BLNK: variants seen among roughly 807,000 people sequenced by gnomAD.
BLNK encodes the protein B-cell linker protein.
In BLNK, 29 loss-of-function variants were observed where a neutral mutation model predicts 73.5. That is an observed-to-expected ratio of 0.39 (90% CI 0.29 to 0.54). The LOEUF is 0.54. Ranked by LOEUF, BLNK falls within the 20% of genes least tolerant of loss-of-function variation. The pLI is 0.61. For missense variants in BLNK, 460 were observed against 562.8 expected (o/e 0.82, Z 1.85); for synonymous variants, 176 against 200.8 (o/e 0.88, Z 1.04).
At chr10:96,196,016 G>A (rs182909833) in intron 16 of BLNK, among the ~76,000 whole-genome samples, 1 of 152,322 alleles carries the variant, frequency 6.6e-6, no homozygotes, top group East Asian at 1.9e-4. Context: ...ATGTAGTGGG[G>A]AAGACAGACA....
At chr10:96,264,663 T>G (rs10882766) in intron 1 of BLNK, among the ~76,000 whole-genome samples, 2,017 of 152,224 alleles carry the variant, frequency 0.013, 55 homozygotes, top group African/African-American at 0.045. Context: ...ATTGAACCCT[T>G]AAAGCCTACC....
intron 1 of BLNK, among the ~76,000 whole-genome samples, chr10:96,250,252 ACT>A (rs1187484038): frequency 6.6e-6 from 1 of 152,060 alleles, no homozygotes; most frequent in Admixed American, 6.6e-5. Context: ...TTGCCTCAGA[ACT>A]CTACAGTTTT....
chr10:96,254,062 A>G (rs781839229), intron 1 of BLNK, among the ~76,000 whole-genome samples: 17 of 151,778 alleles, frequency 1.1e-4, no homozygotes, highest in Non-Finnish European at 1.2e-4. Context: ...AAAAGGAAAA[A>G]AAAAAGGATT....
chr10:96,259,806 A>C (rs1554912281), intron 1 of BLNK, among the ~76,000 whole-genome samples: 1 of 150,604 alleles, frequency 6.6e-6, no homozygotes, highest in East Asian at 2.0e-4. Flanking sequence ...GACTTGGCAC[A>C]AGCAGGAGTA....
At position 96,246,976 on chromosome 10, in the gene BLNK, G is replaced by C; in HGVS notation, c.113+8C>G. The C allele has an allele frequency of 6.3e-7, 1 of 1,581,496 alleles. No individual in the cohort carries two copies. Among genetic ancestry groups the C allele is most frequent in the Non-Finnish European group, 8.7e-7 (1 of 1,153,486 alleles). ...TATAATTAAGTATTTAAATAGAGGC[G>C]AACTTACTTTTTGATTTTATTCATT... On this transcript the variant is annotated splice_region_variant and intron_variant, in intron 2 of 16. Transcript: ENST00000224337.
At chr10:96,234,091 G>A (rs1233224739) in intron 3 of BLNK, among the ~76,000 whole-genome samples, 1 of 152,232 alleles carries the variant, frequency 6.6e-6, no homozygotes, top group Non-Finnish European at 1.5e-5. Flanking sequence ...TGGCTAGTGA[G>A]TTTGGGAGCT....
Position 96,191,792 on chromosome 10 carries a change from A to G in BLNK, c.*181T>C. On this transcript the variant is annotated 3_prime_UTR_variant, in exon 17 of 17. Transcript: ENST00000224337. The stretch of plus-strand genomic sequence containing the variant: ...TTAACAGTTCATCAGGTCAGGCAAT[A>G]GAACAAGTCCACATGAGCTTCTTAA... 1 of 719,376 alleles carries G rather than the reference A, an allele frequency of 1.4e-6. No individual in the cohort carries two copies. Among genetic ancestry groups the G allele is most frequent in the Non-Finnish European group, 2.3e-6 (1 of 429,950 alleles). 44.6% of individuals were successfully genotyped at this position (719,376 alleles called of 1,614,324 possible).
At chr10:96,260,358 T>C (rs573336200) in intron 1 of BLNK, among the ~76,000 whole-genome samples, 5 of 152,264 alleles carry the variant, frequency 3.3e-5, no homozygotes, top group African/African-American at 1.2e-4. Flanking sequence ...TCTACCAGCA[T>C]AAAAATGCAA....
chr10:96,212,691 C>A (rs17111446), intron 8 of BLNK, among the ~76,000 whole-genome samples: 1 of 152,180 alleles, frequency 6.6e-6, no homozygotes, highest in Non-Finnish European at 1.5e-5. Flanking sequence ...CCAGAGGAAA[C>A]TGATGTGGTG....
chr10:96,217,696 G>T (rs1205216341), intron 6 of BLNK, among the ~76,000 whole-genome samples: 1 of 152,044 alleles, frequency 6.6e-6, no homozygotes, highest in East Asian at 1.9e-4. Context: ...ATATATTCTA[G>T]TTATAAGTTC....
At chr10:96,197,807 T>G (rs782115334) in intron 15 of BLNK, among the ~76,000 whole-genome samples, 11 of 151,396 alleles carry the variant, frequency 7.3e-5, no homozygotes, top group Non-Finnish European at 1.3e-4. Context: ...TCCCAGCTAC[T>G]CGGGAGGCTG....
intron 16 of BLNK, among the ~76,000 whole-genome samples, chr10:96,196,163 G>A (rs2083459980): frequency 6.6e-6 from 1 of 152,172 alleles, no homozygotes; most frequent in Non-Finnish European, 1.5e-5. Context: ...TATTTTCTCT[G>A]CATAGATTGT....
chr10:96,256,930 A>G (rs1443808925), intron 1 of BLNK, among the ~76,000 whole-genome samples: 1 of 151,138 alleles, frequency 6.6e-6, no homozygotes, highest in African/African-American at 2.4e-5. Flanking sequence ...TGGAATTTAT[A>G]AGCTGGCATC....
chr10:96,223,719 C>T, intron 6 of BLNK, 107 bp downstream of exon 6: 1 of 1,358,740 alleles, frequency 7.4e-7, no homozygotes, highest in Non-Finnish European at 1.0e-6. Flanking sequence ...AGGGGGCAGT[C>T]AATAGCAGGT....
chr10:96,224,095 G>A, intron 5 of BLNK, 106 bp from the exon 6 acceptor site: 1 of 1,311,836 alleles, frequency 7.6e-7, no homozygotes. Flanking sequence ...TGTCTATGTA[G>A]CCACAAATGA....
chr10:96,208,984 A>G (rs1416070199), intron 9 of BLNK, among the ~76,000 whole-genome samples: 5 of 152,230 alleles, frequency 3.3e-5, no homozygotes, highest in Admixed American at 6.5e-5. Flanking sequence ...GGCCAGCTTT[A>G]GACATATTTA....
intron 1 of BLNK, among the ~76,000 whole-genome samples, chr10:96,265,826 T>G (rs1344429413): frequency 4.6e-5 from 7 of 152,228 alleles, no homozygotes; most frequent in Admixed American, 6.5e-5. Context: ...TTGGGCCAGA[T>G]GATTCTTTGT....
chr10:96,204,724 G>A (rs782108565), intron 11 of BLNK, 108 bp from the exon 12 acceptor site: 10 of 959,198 alleles, frequency 1.0e-5, no homozygotes, highest in Admixed American at 7.8e-5. Flanking sequence ...AAGTCTTCCC[G>A]GGAACATGTC....
intron 3 of BLNK, among the ~76,000 whole-genome samples, chr10:96,232,399 T>G (rs1303190564): frequency 6.6e-6 from 1 of 152,098 alleles, no homozygotes; most frequent in Non-Finnish European, 1.5e-5. Context: ...TCTAGTTTTA[T>G]TTTTATGTTT....
Sources: gnomAD v4.1 joint callset for allele counts (sites outside exome capture counted in the v4.1 genomes callset) on GRCh38, gnomAD v4.1.1 for gene constraint, MANE v1.5 for transcripts, NCBI Gene and HGNC (gene_info 2026-07-23, HGNC 2026-07-21) for gene names.